The following PGBD2 variants were observed in gnomAD, a reference collection of about 807,000 sequenced individuals.
PGBD2 encodes the protein piggyBac transposable element derived 2.
A neutral mutation model predicts 8.1 loss-of-function variants in PGBD2; 6 were observed. The ratio of observed to expected loss-of-function variants is 0.74; its 90% CI spans 0.40 to 1.46. The LOEUF is 1.46. Ranked by LOEUF, PGBD2 falls within the 40% of genes most tolerant of loss-of-function variation. The probability of loss-of-function intolerance (pLI) is 0.02; values close to 1 mark genes in which losing one functional copy is unlikely to be tolerated. For synonymous variants in PGBD2, 318 were observed against 272.2 expected (o/e 1.17, Z -1.66); for missense variants, 802 against 739.0 (o/e 1.09, Z -0.99).
the PGBD2 span, among the ~76,000 whole-genome samples, chr1:248,874,308 C>A: frequency 6.6e-6 from 1 of 152,132 alleles, no homozygotes; most frequent in African/African-American, 2.4e-5. Flanking sequence ...GGTTCGATTC[C>A]CGGTCAGGAA....
rs531757794 is a variant in PGBD2 at position 248,916,583 on chromosome 1, C to G, written c.18-19C>G. On this transcript the variant is annotated intron_variant, in intron 2 of 2. Coordinates refer to ENST00000329291, the MANE Select transcript of PGBD2 (RefSeq NM_170725.3). The stretch of plus-strand genomic sequence containing the variant: ...TTTCTGGCATGGCCTCTTCCTGATT[C>G]TGTTTCCTGTCATAACAGAGATGTC... 1.2e-6 allele frequency: 2 copies of G among 1,608,458 alleles called. No homozygotes were observed. The highest frequency in any genetic ancestry group is 1.1e-5 in the South Asian group (1 of 90,790).
At chr1:248,924,278 A>G (rs1342917573), downstream of PGBD2, among the ~76,000 whole-genome samples, 2 of 152,224 alleles carry the variant, frequency 1.3e-5, no homozygotes, top group Admixed American at 1.3e-4. Flanking sequence ...CATGGCCTTC[A>G]TGACTGCTGG....
intron 1 of PGBD2, among the ~76,000 whole-genome samples, chr1:248,906,941 C>T (rs533625926): frequency 6.6e-6 from 1 of 152,130 alleles, no homozygotes; most frequent in African/African-American, 2.4e-5. Flanking sequence ...CCTTCCACAC[C>T]TGTGGGATAT....
At chr1:248,922,137 G>T (rs1195708961), downstream of PGBD2, among the ~76,000 whole-genome samples, 2 of 149,984 alleles carry the variant, frequency 1.3e-5, no homozygotes, top group African/African-American at 4.9e-5. Context: ...TCGGCTCACT[G>T]CAAGGTCCGC....
the PGBD2 span, among the ~76,000 whole-genome samples, chr1:248,895,678 G>C: frequency 6.6e-6 from 1 of 151,828 alleles, no homozygotes; most frequent in Non-Finnish European, 1.5e-5. Flanking sequence ...TGTACCCAAT[G>C]TATAGATTTT....
chr1:248,928,609 C>G, the PGBD2 span, among the ~76,000 whole-genome samples: 2 of 152,180 alleles, frequency 1.3e-5, no homozygotes, highest in Non-Finnish European at 2.9e-5. Flanking sequence ...GGGAGAAAAA[C>G]TAATCTGTTC....
the PGBD2 span, among the ~76,000 whole-genome samples, chr1:248,927,199 G>A: frequency 2.0e-5 from 3 of 152,190 alleles, no homozygotes; most frequent in Admixed American, 6.5e-5. Flanking sequence ...GAATGAAGAA[G>A]AGATTTGTCA....
rs1331080458 is a variant in PGBD2 at position 248,918,451 on chromosome 1, A to G, written c.*88A>G. 1.5e-6 allele frequency: 2 copies of G among 1,298,752 alleles called. No homozygotes were observed. The highest frequency in any genetic ancestry group is 3.0e-5 in the African/African-American group (2 of 66,806). The allele number at this position is 1,298,752 out of a possible 1,614,324, so 80.5% of individuals were successfully genotyped here. On this transcript the variant is annotated 3_prime_UTR_variant, in exon 3 of 3. Coordinates refer to ENST00000329291, the MANE Select transcript of PGBD2 (RefSeq NM_170725.3). ...TGAGCACTTCTGTTTTGTGTTGGAAAAAAGACCTGAATTTCTAATGACTTG... is the reference window on the plus strand; with the variant it reads ...TGAGCACTTCTGTTTTGTGTTGGAAGAAAGACCTGAATTTCTAATGACTTG...
the PGBD2 span, among the ~76,000 whole-genome samples, chr1:248,929,120 G>A: frequency 6.6e-6 from 1 of 152,266 alleles, no homozygotes; most frequent in Admixed American, 6.5e-5. Context: ...TAATATAAGG[G>A]AGAAATGTTT....
chr1:248,924,498 A>G (rs1662346672), downstream of PGBD2, among the ~76,000 whole-genome samples: 1 of 152,342 alleles, frequency 6.6e-6, no homozygotes, highest in Non-Finnish European at 1.5e-5. Flanking sequence ...AGACTTCTCA[A>G]TTTCATTAAA....
chr1:248,884,603 GT>G, the PGBD2 span, among the ~76,000 whole-genome samples: 3,665 of 152,198 alleles, frequency 0.024, 75 homozygotes, highest in East Asian at 0.071. Context: ...CCTCATTATA[GT>G]TTTTTAAAAA....
the PGBD2 span, among the ~76,000 whole-genome samples, chr1:248,926,732 G>A: frequency 6.6e-6 from 1 of 152,186 alleles, no homozygotes; most frequent in African/African-American, 2.4e-5. Flanking sequence ...GCAGAGTCGT[G>A]TTTAGATTCA....
the PGBD2 span, among the ~76,000 whole-genome samples, chr1:248,928,614 C>T: frequency 6.6e-6 from 1 of 152,204 alleles, no homozygotes; most frequent in African/African-American, 2.4e-5. Context: ...AAAAACTAAT[C>T]TGTTCTCTTT....
At chr1:248,908,368 C>T (rs7527472) in intron 1 of PGBD2, among the ~76,000 whole-genome samples, 8,879 of 152,200 alleles carry the variant, frequency 0.058, 565 homozygotes, top group African/African-American at 0.16. Context: ...CCACCCTCTG[C>T]TCTTCCTCCC....
chr1:248,889,659 G>T, the PGBD2 span, among the ~76,000 whole-genome samples: 4 of 152,074 alleles, frequency 2.6e-5, no homozygotes, highest in Non-Finnish European at 5.9e-5. Context: ...GGGAAAGGAG[G>T]GGAGGAAGTC....
rs754354706 is a variant in PGBD2, at chr1:248,917,865, C to T, written c.1281C>T (p.Gly427=). 1.9e-6 allele frequency: 3 copies of T among 1,614,162 alleles called. No individual in the cohort carries two copies. The highest frequency in any genetic ancestry group is 1.7e-6 in the Non-Finnish European group (2 of 1,180,046). The part of the protein sequence containing the change: ...SVVNICSNAV[G]IEPVRLTSRH... ...TCAACATTTGCTCCAATGCTGTGGG[C>T]ATAGAGCCAGTGAGGCTGACCAGTC... Residue 427 remains glycine, a synonymous_variant, in exon 3 of 3, where the codon GGC becomes GGT. Transcript: ENST00000329291.
the PGBD2 span, among the ~76,000 whole-genome samples, chr1:248,883,926 T>C: frequency 6.6e-6 from 1 of 152,172 alleles, no homozygotes; most frequent in Admixed American, 6.5e-5. Flanking sequence ...AGAAGCTCGT[T>C]AGTTTAATTA....
upstream of PGBD2, among the ~76,000 whole-genome samples, chr1:248,901,392 C>G (rs908449276): frequency 3.9e-5 from 6 of 152,040 alleles, no homozygotes; most frequent in African/African-American, 1.2e-4. Flanking sequence ...ACAAAAATGA[C>G]ACATAGATCA....
At chr1:248,889,014 C>CTTTGATGCA in the PGBD2 span, among the ~76,000 whole-genome samples, 6 of 152,098 alleles carry the variant, frequency 3.9e-5, no homozygotes, top group South Asian at 4.1e-4. Context: ...TAAACACTGG[C>CTTTGATGCA]TTTGATGCAT....
Sources: gnomAD v4.1 joint callset for allele counts (sites outside exome capture counted in the v4.1 genomes callset) on GRCh38, gnomAD v4.1.1 for gene constraint, MANE v1.5 for transcripts, NCBI Gene and HGNC (gene_info 2026-07-23, HGNC 2026-07-21) for gene names.